SLC36A1: variants seen among roughly 807,000 people sequenced by gnomAD.
SLC36A1 encodes solute carrier family 36 member 1.
A neutral mutation model predicts 47.5 loss-of-function variants in SLC36A1; 30 were observed. That is an observed-to-expected ratio of 0.63 (90% CI 0.47 to 0.86). The LOEUF is 0.86. Ranked by LOEUF, SLC36A1 falls within the 40% of genes least tolerant of loss-of-function variation. The probability of loss-of-function intolerance (pLI) is 0.00; values close to 1 mark genes in which losing one functional copy is unlikely to be tolerated. For missense variants in SLC36A1, 517 were observed against 606.0 expected, an observed-to-expected ratio of 0.85 and a Z score of 1.54; for synonymous variants, 255 against 249.7, an observed-to-expected ratio of 1.02 and a Z score of -0.20.
chr5:151,446,536 A>T (rs1285096637), upstream of SLC36A1, among the ~76,000 whole-genome samples: 1 of 151,520 alleles, frequency 6.6e-6, no homozygotes, highest in Non-Finnish European at 1.5e-5. Context: ...GTCTCAAAGA[A>T]AAAAAAAAGC....
the SLC36A1 span, among the ~76,000 whole-genome samples, chr5:151,400,459 G>A: frequency 6.6e-6 from 1 of 152,120 alleles, no homozygotes; most frequent in Non-Finnish European, 1.5e-5. Flanking sequence ...ACAGTGCTGT[G>A]TTGAACATAT....
chr5:151,427,832 G>A, the SLC36A1 span, among the ~76,000 whole-genome samples: 2 of 152,212 alleles, frequency 1.3e-5, no homozygotes, highest in African/African-American at 2.4e-5. Context: ...ATGTGGGATA[G>A]GGTTGAAGGA....
chr5:151,550,997 A>G, the SLC36A1 span: 1 of 784,224 alleles, frequency 1.3e-6, no homozygotes, highest in Non-Finnish European at 2.0e-6. Context: ...CACTTGATAA[A>G]TATTTGTTGA....
chr5:151,539,098 T>C, the SLC36A1 span, among the ~76,000 whole-genome samples: 2 of 151,888 alleles, frequency 1.3e-5, no homozygotes, highest in Non-Finnish European at 2.9e-5. Flanking sequence ...AGGACAGAAG[T>C]TGGTTGTAAT....
the SLC36A1 span, among the ~76,000 whole-genome samples, chr5:151,499,880 C>T: frequency 2.0e-5 from 3 of 152,164 alleles, no homozygotes; most frequent in African/African-American, 7.2e-5. Flanking sequence ...CTCCTGAAAC[C>T]ACTCCTCACA....
upstream of SLC36A1, among the ~76,000 whole-genome samples, chr5:151,432,889 C>T (rs1759449073): frequency 6.6e-6 from 1 of 151,982 alleles, no homozygotes; most frequent in Non-Finnish European, 1.5e-5. Context: ...AAATGCTTCC[C>T]CAGTCACTTC....
At chr5:151,527,613 G>A in the SLC36A1 span, among the ~76,000 whole-genome samples, 70 of 152,198 alleles carry the variant, frequency 4.6e-4, 1 homozygote, top group Admixed American at 2.0e-3. Flanking sequence ...ATGAATTTAT[G>A]TGAGGATAAT....
chr5:151,529,260 T>C, the SLC36A1 span: 1 of 1,614,044 alleles, frequency 6.2e-7, no homozygotes, highest in African/African-American at 1.3e-5. Flanking sequence ...CCGGTGTTCA[T>C]TGACATCAGT....
the SLC36A1 span, among the ~76,000 whole-genome samples, chr5:151,534,970 A>ATATATATATATATAT: frequency 9.9e-4 from 105 of 106,358 alleles, 1 homozygote; most frequent in Non-Finnish European, 1.9e-3. Flanking sequence ...CTTCTAGGAA[A>ATATATATATATATAT]ATATATATAT....
the SLC36A1 span, among the ~76,000 whole-genome samples, chr5:151,520,446 A>C: frequency 6.6e-6 from 1 of 152,176 alleles, no homozygotes; most frequent in African/African-American, 2.4e-5. Context: ...AGATGGGGCT[A>C]ATGACCCTGC....
At chr5:151,458,576 T>A (rs1351097626) in intron 1 of SLC36A1, among the ~76,000 whole-genome samples, 1 of 152,044 alleles carries the variant, frequency 6.6e-6, no homozygotes, top group Non-Finnish European at 1.5e-5. Context: ...ATGGGAAGGA[T>A]GGGAGTCAGA....
the SLC36A1 span, among the ~76,000 whole-genome samples, chr5:151,347,113 A>G: frequency 3.3e-5 from 5 of 152,122 alleles, no homozygotes; most frequent in African/African-American, 4.8e-5. Context: ...CTATGTCCCT[A>G]AGGGCTTTTC....
chr5:151,421,517 C>T, the SLC36A1 span, among the ~76,000 whole-genome samples: 4 of 151,454 alleles, frequency 2.6e-5, no homozygotes, highest in African/African-American at 9.7e-5. Context: ...GCTGGGAATA[C>T]AGACATGAGC....
At chr5:151,419,299 CT>C in the SLC36A1 span, among the ~76,000 whole-genome samples, 2 of 152,188 alleles carry the variant, frequency 1.3e-5, no homozygotes, top group Non-Finnish European at 2.9e-5. Context: ...CTGTGTACCC[CT>C]GGGAAGGTTG....
the SLC36A1 span, chr5:151,529,053 A>G: frequency 1.3e-6 from 1 of 758,892 alleles, no homozygotes; most frequent in Non-Finnish European, 2.2e-6. Flanking sequence ...GACAAGTCAG[A>G]GTCAAGTCTA....
chr5:151,486,176 A>G (rs952452130), intron 10 of SLC36A1, among the ~76,000 whole-genome samples: 1 of 152,190 alleles, frequency 6.6e-6, no homozygotes, highest in Non-Finnish European at 1.5e-5. Context: ...GGCAGAAGGC[A>G]AAGGGGGAGC....
At chr5:151,423,247 T>G in the SLC36A1 span, among the ~76,000 whole-genome samples, 5 of 152,198 alleles carry the variant, frequency 3.3e-5, no homozygotes, top group South Asian at 1.0e-3. Flanking sequence ...CAAAATGAAA[T>G]ATACTCTTAC....
chr5:151,485,942 T>G (rs965274133), intron 10 of SLC36A1, among the ~76,000 whole-genome samples: 1 of 152,216 alleles, frequency 6.6e-6, no homozygotes. Flanking sequence ...TAGCCGTCCG[T>G]GGCTATGTTG....
At chr5:151,381,793 C>T in the SLC36A1 span, among the ~76,000 whole-genome samples, 2 of 152,304 alleles carry the variant, frequency 1.3e-5, no homozygotes, top group East Asian at 3.9e-4. Flanking sequence ...TCACTGGCCC[C>T]GCCCCCTACC....
Sources: allele counts gnomAD v4.1 joint callset (sites outside exome capture counted in the v4.1 genomes callset), GRCh38; gene constraint gnomAD v4.1.1; transcripts MANE v1.5; gene names NCBI Gene and HGNC (gene_info 2026-07-23, HGNC 2026-07-21).